Variants in ZNF385D observed in about 807,000 individuals in gnomAD.
ZNF385D encodes the protein zinc finger protein 385D, also known as zinc finger protein 659.
Under a neutral mutation model 35.8 loss-of-function variants are expected in ZNF385D, and 15 were observed. The observed-to-expected ratio is 0.42, with a 90% CI of 0.28 to 0.64. The LOEUF (loss-of-function observed/expected upper bound fraction) is 0.64. Ranked by LOEUF, ZNF385D falls within the 30% of genes least tolerant of loss-of-function variation. The probability of loss-of-function intolerance (pLI) is 0.23; values close to 1 mark genes in which losing one functional copy is unlikely to be tolerated. For missense variants in ZNF385D, 474 were observed against 494.6 expected (o/e 0.96, Z 0.39); for synonymous variants, 212 against 186.8 (o/e 1.13, Z -1.10).
intron 2 of ZNF385D, among the ~76,000 whole-genome samples, chr3:22,229,636 G>A (rs971469862): frequency 6.6e-6 from 1 of 152,066 alleles, no homozygotes; most frequent in African/African-American, 2.4e-5. Context: ...GTATGCTGTC[G>A]TACAACTCCC....
chr3:21,987,309 G>C (rs939427839), intron 3 of ZNF385D, among the ~76,000 whole-genome samples: 4 of 131,974 alleles, frequency 3.0e-5, no homozygotes, highest in African/African-American at 1.1e-4. Flanking sequence ...GCTGGTACCG[G>C]TTGTTCCTTT....
At chr3:21,884,493 G>T (rs923858132) in intron 3 of ZNF385D, among the ~76,000 whole-genome samples, 3 of 152,052 alleles carry the variant, frequency 2.0e-5, no homozygotes, top group African/African-American at 7.2e-5. Context: ...GAGCCAGCTT[G>T]TAAGGGCTCA....
chr3:21,668,306 T>C (rs903078444), intron 1 of ZNF385D, among the ~76,000 whole-genome samples: 8 of 152,164 alleles, frequency 5.3e-5, no homozygotes, highest in African/African-American at 1.9e-4. Flanking sequence ...CTTTGCCCCC[T>C]TGCCTCAAAG....
At chr3:22,039,454 G>C (rs1386143896) in intron 3 of ZNF385D, among the ~76,000 whole-genome samples, 1 of 151,930 alleles carries the variant, frequency 6.6e-6, no homozygotes, top group East Asian at 1.9e-4. Context: ...TTATCTTCCT[G>C]TCTCCAGTCT....
At chr3:22,189,021 T>G (rs2125220960) in intron 2 of ZNF385D, among the ~76,000 whole-genome samples, 1 of 149,742 alleles carries the variant, frequency 6.7e-6, no homozygotes, top group South Asian at 2.1e-4. Context: ...CCTCCTAGGC[T>G]TAGCAGAAAA....
At chr3:22,062,740 A>G (rs1195586506) in intron 3 of ZNF385D, among the ~76,000 whole-genome samples, 1 of 152,208 alleles carries the variant, frequency 6.6e-6, no homozygotes, top group Non-Finnish European at 1.5e-5. Context: ...GGAGTTGGTC[A>G]TAAAAGACAT....
intron 3 of ZNF385D, among the ~76,000 whole-genome samples, chr3:21,906,636 T>C (rs747722911): frequency 6.6e-6 from 1 of 152,136 alleles, no homozygotes; most frequent in African/African-American, 2.4e-5. Flanking sequence ...TCAGTGCCAC[T>C]CTCTTTCTGT....
intron 2 of ZNF385D, among the ~76,000 whole-genome samples, chr3:21,640,718 C>T (rs2065579671): frequency 6.6e-6 from 1 of 152,152 alleles, no homozygotes; most frequent in East Asian, 1.9e-4. Flanking sequence ...GGTGTTTAAA[C>T]CGCCCATTCT....
intron 3 of ZNF385D, among the ~76,000 whole-genome samples, chr3:22,100,053 AT>A (rs1701847055): frequency 6.6e-6 from 1 of 151,720 alleles, no homozygotes; most frequent in Admixed American, 6.6e-5. Flanking sequence ...AAAAGAAGGC[AT>A]TTATGCAGCC....
At chr3:21,906,380 T>G (rs939031916) in intron 3 of ZNF385D, among the ~76,000 whole-genome samples, 7 of 152,144 alleles carry the variant, frequency 4.6e-5, no homozygotes, top group Non-Finnish European at 8.8e-5. Context: ...CAAATGGACC[T>G]GTATTTTGGA....
At chr3:22,059,919 G>T (rs1321515938) in intron 3 of ZNF385D, among the ~76,000 whole-genome samples, 1 of 152,154 alleles carries the variant, frequency 6.6e-6, no homozygotes, top group Non-Finnish European at 1.5e-5. Context: ...ATGTGGGCAG[G>T]CATCATCTAA....
chr3:22,002,250 AAAAAG>A (rs1373244388), intron 3 of ZNF385D, among the ~76,000 whole-genome samples: 16 of 152,110 alleles, frequency 1.1e-4, no homozygotes, highest in Non-Finnish European at 1.9e-4. Context: ...CAAAATTAAA[AAAAAG>A]AGTCATTACA....
chr3:21,748,079 G>A (rs1289581044), intron 1 of ZNF385D, among the ~76,000 whole-genome samples: 1 of 152,128 alleles, frequency 6.6e-6, no homozygotes, highest in Non-Finnish European at 1.5e-5. Flanking sequence ...TAACAAAAGT[G>A]TCCACGGTGA....
intron 3 of ZNF385D, among the ~76,000 whole-genome samples, chr3:21,790,054 G>C (rs1405992909): frequency 6.6e-6 from 1 of 152,120 alleles, no homozygotes; most frequent in Non-Finnish European, 1.5e-5. Context: ...CCAAGATGTA[G>C]AGCATAGCAC....
At chr3:22,365,389 C>G (rs1696609514) in intron 2 of ZNF385D, among the ~76,000 whole-genome samples, 1 of 152,060 alleles carries the variant, frequency 6.6e-6, no homozygotes, top group South Asian at 2.1e-4. Context: ...TCTTACCTTT[C>G]TGGTTAAACC....
At chr3:22,030,295 A>ATATATATATATATGTATG (rs1697906002) in intron 3 of ZNF385D, among the ~76,000 whole-genome samples, 1 of 110,806 alleles carries the variant, frequency 9.0e-6, no homozygotes, top group African/African-American at 4.1e-5. Flanking sequence ...ATATATATAT[A>ATATATATATATATGTATG]TATATATCCT....
chr3:21,662,304 G>A lies in ZNF385D; in HGVS notation c.165+2582C>T, dbSNP rs141871340. ...TGACCATCTCATGAATGCCTATGTGGATAAATAACTTGATGATCAGAGGAA... is the reference window on the plus strand; with the variant it reads ...TGACCATCTCATGAATGCCTATGTGAATAAATAACTTGATGATCAGAGGAA... On this transcript the variant is annotated intron_variant, in intron 2 of 7. Coordinates refer to ENST00000281523, the MANE Select transcript of ZNF385D (RefSeq NM_024697.3). 3.6e-3 allele frequency among the ~76,000 whole-genome samples: 548 copies of A among 152,242 alleles called. 4 individuals are homozygous for A. Among genetic ancestry groups the A allele is most frequent in the Non-Finnish European group, 6.5e-3 (440 of 68,022 alleles).
intron 2 of ZNF385D, among the ~76,000 whole-genome samples, chr3:22,285,154 T>G (rs1178403340): frequency 6.6e-6 from 1 of 152,162 alleles, no homozygotes; most frequent in African/African-American, 2.4e-5. Context: ...TCACCAATTT[T>G]GTTACAAAGC....
At chr3:21,808,134 G>C (rs1478239733) in intron 3 of ZNF385D, among the ~76,000 whole-genome samples, 1 of 152,136 alleles carries the variant, frequency 6.6e-6, no homozygotes, top group Non-Finnish European at 1.5e-5. Context: ...ATACAAAATA[G>C]TAGTGACACA....
Sources: gnomAD v4.1 joint callset for allele counts (sites outside exome capture counted in the v4.1 genomes callset) on GRCh38, gnomAD v4.1.1 for gene constraint, MANE v1.5 for transcripts, NCBI Gene and HGNC (gene_info 2026-07-23, HGNC 2026-07-21) for gene names.